The following DMXL2 variants were observed in gnomAD, a reference collection of about 807,000 sequenced individuals.
The protein encoded by DMXL2 is Dmx like 2, also known as dmX-like protein 2.
In DMXL2, 103 loss-of-function variants were observed where a neutral mutation model predicts 331.1. The observed-to-expected ratio is 0.31, with a 90% CI of 0.27 to 0.37. DMXL2 has a LOEUF of 0.37. DMXL2 is among the 10% of genes least tolerant of loss of function. The pLI is 1.00. For missense variants in DMXL2, 3,171 were observed against 3,642.9 expected, an observed-to-expected ratio of 0.87 and a Z score of 3.33; for synonymous variants, 1,281 against 1,252.1, an observed-to-expected ratio of 1.02 and a Z score of -0.49.
intron 1 of DMXL2, among the ~76,000 whole-genome samples, chr15:51,620,861 A>G (rs1404680254): frequency 2.6e-5 from 4 of 152,200 alleles, no homozygotes; most frequent in African/African-American, 9.7e-5. Flanking sequence ...AACAGTTCTT[A>G]CACAGGCTTT....
intron 13 of DMXL2, among the ~76,000 whole-genome samples, chr15:51,525,584 C>G (rs1319573311): frequency 6.6e-6 from 1 of 152,114 alleles, no homozygotes; most frequent in Non-Finnish European, 1.5e-5. Flanking sequence ...TGGTGAGTCT[C>G]AGACTAGGCA....
chr15:51,549,476 C>A (rs934039206), intron 6 of DMXL2, among the ~76,000 whole-genome samples: 2 of 152,070 alleles, frequency 1.3e-5, no homozygotes, highest in Admixed American at 1.3e-4. Flanking sequence ...TGGATAGATA[C>A]CCAGAAGTGG....
chr15:51,512,626 G>A (rs552282133), intron 15 of DMXL2, among the ~76,000 whole-genome samples: 1 of 152,170 alleles, frequency 6.6e-6, no homozygotes, highest in East Asian at 1.9e-4. Flanking sequence ...CCTGGCCAAT[G>A]GGGTAAAACT....
Position 51,537,664 on chromosome 15 carries a change from T to C in DMXL2, c.1441A>G (p.Ser481Gly). Residue 481 changes from serine to glycine, a missense_variant, in exon 11 of 44, where the codon AGT becomes GGT. By Grantham distance (56) the Ser-to-Gly change is moderately conservative. This residue lies in a region of DMXL2 where 1,674 missense variants were observed against 1,780.2 expected (regional missense o/e 0.94). Transcript: ENST00000560891. ...ACCGTAGGCAGTGGCATTGGTACAC[T>C]AAGTCGTGAGTAAGTTCTAGGACTT... ...EGSPRTYSRL[S>G]VPMPLPTVLL... The C allele has an allele frequency of 6.2e-7, 1 of 1,613,962 alleles. No individual in the cohort carries two copies. Among genetic ancestry groups the C allele is most frequent in the Non-Finnish European group, 8.5e-7 (1 of 1,179,908 alleles).
At chr15:51,593,750 G>A (rs1485430329) in intron 1 of DMXL2, among the ~76,000 whole-genome samples, 1 of 152,160 alleles carries the variant, frequency 6.6e-6, no homozygotes, top group Non-Finnish European at 1.5e-5. Context: ...TAGAACTCAG[G>A]ATTAAGAAAC....
At position 51,477,278 on chromosome 15, in the gene DMXL2, T is replaced by G. The variant is rs528318003; in HGVS notation, c.6834-559A>C. Among the ~76,000 whole-genome samples, 20 of 152,148 alleles carry G rather than the reference T, an allele frequency of 1.3e-4. No individual in the cohort carries two copies. In the South Asian group the frequency reaches 3.9e-3, roughly 30 times the overall value. ...TATCTTTGTGAAGTTGGGGAAAATA[T>G]AAAAGCGGAAAGTCAAGCTGAGTCT... On this transcript the variant is annotated intron_variant, in intron 26 of 43. Coordinates refer to ENST00000560891, the MANE Select transcript of DMXL2 (RefSeq NM_001378457.1).
intron 36 of DMXL2, chr15:51,457,733 A>G (rs1269468054): frequency 5.5e-6 from 2 of 364,362 alleles, no homozygotes; most frequent in East Asian, 1.1e-4. Context: ...TTATCTATGG[A>G]AAAATATTAT....
At position 51,480,125 on chromosome 15, in the gene DMXL2, C is replaced by A; in HGVS notation, c.6579G>T (p.Lys2193Asn). Residue 2193 changes from lysine to asparagine, a missense_variant, in exon 25 of 44, where the codon AAG becomes AAT. Physicochemically the swap from Lys to Asn is moderately conservative, Grantham distance 94 (BLOSUM62 0). Transcript: ENST00000560891. ...LQESQQETTVKQLQSPLPLPT... is the reference protein window; with the variant it reads ...LQESQQETTVNQLQSPLPLPT... ...GCAGTGGTAGTGGAGACTGGAGCTG[C>A]TTTACTGTAGTTTCCTGTGGGTGAT... 1 of 1,548,858 alleles carries A rather than the reference C, an allele frequency of 6.5e-7. No individual in the cohort carries two copies. The highest frequency in any genetic ancestry group is 8.8e-7 in the Non-Finnish European group (1 of 1,139,256).
intron 1 of DMXL2, among the ~76,000 whole-genome samples, chr15:51,589,064 GAAT>G (rs1205988234): frequency 1.3e-5 from 2 of 152,138 alleles, no homozygotes; most frequent in African/African-American, 4.8e-5. Context: ...GGATGGTCCA[GAAT>G]AATGACTAAT....
intron 23 of DMXL2, 49 bp downstream of exon 23, chr15:51,486,024 T>TA (rs1366165706): frequency 1.3e-6 from 2 of 1,509,122 alleles, no homozygotes; most frequent in East Asian, 2.3e-5. Flanking sequence ...GTTCAGAAAG[T>TA]ATCTCTTCCT....
chr15:51,466,844 G>C (rs531825884), intron 29 of DMXL2, among the ~76,000 whole-genome samples: 14 of 151,834 alleles, frequency 9.2e-5, no homozygotes, highest in African/African-American at 3.1e-4. Context: ...TCTGAAGTTC[G>C]TAGAGAAGAA....
In DMXL2 at chr15:51,448,980, A is replaced by G. The variant is rs988599345; in HGVS notation, c.*4T>C. 4.3e-6 allele frequency: 7 copies of G among 1,613,772 alleles called. No individual in the cohort carries two copies. The African/African-American group carries it at 6.7e-5, about 15-fold the overall frequency. ...AAATGTATATAAAAATAAAACCCCA[A>G]TCTTTATAGAATGTCAAGAATTCTG... On this transcript the variant is annotated 3_prime_UTR_variant, in exon 44 of 44. Transcript: ENST00000560891.
Position 51,536,731 on chromosome 15 carries a change from C to A in DMXL2, c.1749G>T (p.Gly583=). Residue 583 remains glycine (G), a synonymous_variant, in exon 12 of 44, where the codon GGG becomes GGT. Coordinates refer to ENST00000560891, the MANE Select transcript of DMXL2 (RefSeq NM_001378457.1). ...DSHHTLLHQE[G]MSVGSPHGSQ... ...ATCCGTGAGGACTGCCTACAGACAT[C>A]CCCTCCTGGTGTAACAGCGTGTGGT... The A allele has an allele frequency of 6.2e-7, 1 of 1,614,022 alleles. No individual in the cohort carries two copies. The highest frequency in any genetic ancestry group is 1.3e-5 in the African/African-American group (1 of 75,006).
chr15:51,558,553 T>A (rs1014340383), intron 6 of DMXL2, among the ~76,000 whole-genome samples: 1 of 152,242 alleles, frequency 6.6e-6, no homozygotes, highest in Non-Finnish European at 1.5e-5. Flanking sequence ...CACTCATTTC[T>A]ACTTTGAAAT....
At chr15:51,602,859 C>G (rs942052457) in intron 1 of DMXL2, among the ~76,000 whole-genome samples, 3 of 152,138 alleles carry the variant, frequency 2.0e-5, no homozygotes, top group East Asian at 1.9e-4. Flanking sequence ...TTACAAAAGG[C>G]CCAGAGTCGC....
rs150552071 is a variant in DMXL2, at chr15:51,466,219, T to C, written c.7485A>G (p.Thr2495=). 3.8e-6 allele frequency: 6 copies of C among 1,578,160 alleles called. No homozygotes were observed. In the African/African-American group the frequency reaches 8.2e-5, roughly 22 times the overall value. ...TTGGATCTTGGTGCTCCTGTATTTG[T>C]GTATCTGAAAAAAAGGCATCATCTT... ...DEEDDAFFSD[T]QIQEHQDPNS... The change falls in exon 30 of 44, where the codon ACA becomes ACG. Residue 2495 remains threonine (T), a synonymous_variant. Transcript: ENST00000560891.
intron 6 of DMXL2, among the ~76,000 whole-genome samples, chr15:51,548,616 T>C (rs2049024165): frequency 6.6e-6 from 1 of 151,948 alleles, no homozygotes; most frequent in Non-Finnish European, 1.5e-5. Context: ...AAAGTCACAA[T>C]GGAAATACAA....
At chr15:51,573,243 G>T (rs1285812029) in intron 2 of DMXL2, among the ~76,000 whole-genome samples, 2 of 152,214 alleles carry the variant, frequency 1.3e-5, no homozygotes, top group East Asian at 1.9e-4. Flanking sequence ...TTACACTGTT[G>T]GTGGGAGTGT....
At chr15:51,541,779 C>T (rs1332336432) in intron 9 of DMXL2, among the ~76,000 whole-genome samples, 1 of 152,080 alleles carries the variant, frequency 6.6e-6, no homozygotes, top group Non-Finnish European at 1.5e-5. Context: ...TAAATAGAAG[C>T]TCTCAAATAT....
Sources: gnomAD v4.1 joint callset for allele counts (sites outside exome capture counted in the v4.1 genomes callset) on GRCh38, gnomAD v4.1.1 for gene constraint, gnomAD v4.1.1 regional missense constraint, MANE v1.5 for transcripts, NCBI Gene and HGNC (gene_info 2026-07-23, HGNC 2026-07-21) for gene names.